ANAPC1: variants seen among roughly 807,000 people sequenced by gnomAD.
ANAPC1 encodes anaphase-promoting complex subunit 1.
Under a neutral mutation model 208.0 loss-of-function variants are expected in ANAPC1, and 36 were observed. The ratio of observed to expected loss-of-function variants is 0.17; its 90% confidence interval spans 0.13 to 0.23. The LOEUF (loss-of-function observed/expected upper bound fraction) is 0.23, where lower values mean the gene tolerates loss of function less well. Among genes scored for constraint, ANAPC1 ranks in the 10% least tolerant of loss-of-function variants. ANAPC1 has a pLI of 1.00. For synonymous variants in ANAPC1, 378 were observed against 695.2 expected (o/e 0.54, Z 7.18); for missense variants, 942 against 2,011.6 (o/e 0.47, Z 10.17).
intron 43 of ANAPC1, 36 bp downstream of exon 43, chr2:111,782,333 T>C (rs1677329202): frequency 6.2e-7 from 1 of 1,612,892 alleles, no homozygotes; most frequent in South Asian, 1.1e-5. Context: ...CAATTTAGAA[T>C]TATTTCTTTC....
At chr2:111,833,186 T>C in intron 20 of ANAPC1, 34 bp downstream of exon 20, 1 of 1,559,714 alleles carries the variant, frequency 6.4e-7, no homozygotes, top group Non-Finnish European at 8.7e-7. Context: ...ATCACTACAC[T>C]GTTTAGAAAA....
intron 33 of ANAPC1, among the ~76,000 whole-genome samples, chr2:111,801,357 A>G (rs1046602472): frequency 7.4e-6 from 1 of 135,456 alleles, no homozygotes; most frequent in African/African-American, 2.9e-5. Context: ...ACTCCATCTC[A>G]TAAAAAAAAA....
intron 27 of ANAPC1, among the ~76,000 whole-genome samples, chr2:111,816,218 C>T (rs1314037263): frequency 6.7e-6 from 1 of 149,550 alleles, no homozygotes; most frequent in African/African-American, 2.5e-5. Context: ...GAGCCAAGAT[C>T]ATGCCATTGC....
chr2:111,844,074 G>T (rs1030605464), intron 16 of ANAPC1, among the ~76,000 whole-genome samples: 10 of 151,826 alleles, frequency 6.6e-5, no homozygotes, highest in Non-Finnish European at 1.0e-4. Context: ...CACCCGCCTT[G>T]GCCTCCCAAA....
chr2:111,854,541 C>A (rs1162850153), intron 13 of ANAPC1, among the ~76,000 whole-genome samples: 1 of 152,216 alleles, frequency 6.6e-6, no homozygotes, highest in Non-Finnish European at 1.5e-5. Context: ...CTTCTTCCAA[C>A]AGAAAGCTGT....
chr2:111,831,360 A>G lies in ANAPC1; in HGVS notation c.2551T>C (p.Cys851Arg). The change falls in exon 21 of 48, where the codon TGT (cysteine) becomes CGT (arginine). Residue 851 changes from cysteine to arginine, a missense_variant. Physicochemically the swap from Cys to Arg is radical, Grantham distance 180. Coordinates refer to ENST00000341068, the MANE Select transcript of ANAPC1 (RefSeq NM_022662.4). ...PPSIYQWVSSCLKGEGMPPYP... is the reference protein window; with the variant it reads ...PPSIYQWVSSRLKGEGMPPYP... ...GGTGGCATTCCTTCACCCTTCAGACAAGAACTCACCCACTGATAAATACTT... is the reference window on the plus strand; with the variant it reads ...GGTGGCATTCCTTCACCCTTCAGACGAGAACTCACCCACTGATAAATACTT... The G allele has an allele frequency of 6.2e-7, 1 of 1,611,996 alleles. No individual in the cohort carries two copies. The highest frequency in any genetic ancestry group is 8.5e-7 in the Non-Finnish European group (1 of 1,179,858).
chr2:111,880,972 T>C lies in ANAPC1; in HGVS notation c.-24-123A>G, dbSNP rs956934415. The C allele has an allele frequency of 1.6e-4, 141 of 892,850 alleles. 1 individual carries two copies. Among genetic ancestry groups the C allele is most frequent in the African/African-American group, 7.3e-4 (43 of 58,844 alleles). The allele number at this position is 892,850 out of a possible 1,614,324, so 55.3% of individuals were successfully genotyped here. On this transcript the variant is annotated intron_variant, in intron 1 of 47. Coordinates refer to ENST00000341068, the MANE Select transcript of ANAPC1 (RefSeq NM_022662.4). ...AGTAATTATATCAGACTGGTAAGTATATAAGTTGGTCATAACATAAAAGGG... is the reference window on the plus strand; with the variant it reads ...AGTAATTATATCAGACTGGTAAGTACATAAGTTGGTCATAACATAAAAGGG...
At chr2:111,781,453 A>G (rs1160646222) in intron 43 of ANAPC1, among the ~76,000 whole-genome samples, 4 of 152,202 alleles carry the variant, frequency 2.6e-5, no homozygotes, top group African/African-American at 9.7e-5. Flanking sequence ...ATACATTTCA[A>G]TCCTGGGAAC....
intron 7 of ANAPC1, among the ~76,000 whole-genome samples, chr2:111,865,639 C>T (rs1682362470): frequency 1.3e-5 from 2 of 152,074 alleles, no homozygotes; most frequent in Admixed American, 6.5e-5. Flanking sequence ...TTTTTTCATA[C>T]ATATATACAC....
chr2:111,873,572 G>T, intron 4 of ANAPC1, 41 bp downstream of exon 4: 1 of 1,518,016 alleles, frequency 6.6e-7, no homozygotes, highest in Non-Finnish European at 8.8e-7. Flanking sequence ...TAAATATTTG[G>T]AATCATCATA....
intron 20 of ANAPC1, among the ~76,000 whole-genome samples, chr2:111,832,246 T>A (rs1362200203): frequency 1.4e-5 from 2 of 142,192 alleles, no homozygotes; most frequent in African/African-American, 5.3e-5. Flanking sequence ...GAGGATGCAG[T>A]GAGCCAAGAT....
chr2:111,769,549 A>G lies in ANAPC1; in HGVS notation c.5720-143T>C, dbSNP rs1467578430. On this transcript the variant is annotated intron_variant, in intron 47 of 47. Transcript: ENST00000341068. ...ATGACTATGCAAAGACAATATTTAA[A>G]ATTATGAAATTCCTTAATACACTGT... 6.4e-5 allele frequency: 39 copies of G among 610,968 alleles called. No individual in the cohort carries two copies. The African/African-American group carries it at 6.9e-4, about 11-fold the overall frequency. The allele number at this position is 610,968 out of a possible 1,614,324, so 37.8% of individuals were successfully genotyped here. A position where few individuals can be genotyped will look rare whatever the true frequency, so the allele number is the denominator to read the frequency against.
At chr2:111,826,387 C>A (rs1218390365) in intron 21 of ANAPC1, among the ~76,000 whole-genome samples, 4 of 152,168 alleles carry the variant, frequency 2.6e-5, no homozygotes, top group Non-Finnish European at 5.9e-5. Flanking sequence ...GCACTGGAAA[C>A]AATTCATCTG....
At position 111,768,500 on chromosome 2, in the gene ANAPC1, T is replaced by C. The variant is rs1447878431; in HGVS notation, c.*791A>G. ...ACGATGAAGGTGCTAGCCAAGTCTG[T>C]TCCTGATAAGGGCTCTTCTTGGCTT... is the stretch of plus-strand genomic sequence containing the variant. On this transcript the variant is annotated 3_prime_UTR_variant, in exon 48 of 48. Coordinates refer to ENST00000341068, the MANE Select transcript of ANAPC1 (RefSeq NM_022662.4). 4 of 150,986 alleles carry C rather than the reference T, an allele frequency of 2.6e-5. No homozygotes were observed. The highest frequency in any genetic ancestry group is 1.3e-4 in the Admixed American group (2 of 15,210). 9.4% of individuals were successfully genotyped at this position (150,986 alleles called of 1,614,324 possible). A position where few individuals can be genotyped will look rare whatever the true frequency, so the allele number is the denominator to read the frequency against.
At chr2:111,845,833 G>A (rs1160039076) in intron 16 of ANAPC1, among the ~76,000 whole-genome samples, 1 of 151,962 alleles carries the variant, frequency 6.6e-6, no homozygotes, top group African/African-American at 2.4e-5. Flanking sequence ...AAATTAGCCG[G>A]GCGTGGTGGC....
At chr2:111,865,653 T>C (rs894613756) in intron 7 of ANAPC1, 1 of 152,716 alleles carries the variant, frequency 6.5e-6, no homozygotes, top group Non-Finnish European at 1.5e-5. Context: ...TATACACACT[T>C]TATACATTTT....
In ANAPC1 at chr2:111,873,426, A is replaced by G. The variant is rs1402218012; in HGVS notation, c.428-18T>C. 4 of 1,600,118 alleles carry G rather than the reference A, an allele frequency of 2.5e-6. No individual in the cohort carries two copies. The African/African-American group carries it at 4.0e-5, about 16-fold the overall frequency. On this transcript the variant is annotated intron_variant, in intron 4 of 47. Transcript: ENST00000341068. ...ATTGCTACCTGAAAAGAAAGGGTACAACAAGACTTATGTGTTTTTTCCCTC... is the reference window on the plus strand; with the variant it reads ...ATTGCTACCTGAAAAGAAAGGGTACGACAAGACTTATGTGTTTTTTCCCTC...
intron 46 of ANAPC1, among the ~76,000 whole-genome samples, chr2:111,773,717 G>A (rs915256134): frequency 1.3e-5 from 2 of 151,966 alleles, no homozygotes; most frequent in Non-Finnish European, 2.9e-5. Context: ...GTTCTAGGGA[G>A]GGAAAACAGC....
At chr2:111,839,304 T>C (rs2104483470) in intron 17 of ANAPC1, among the ~76,000 whole-genome samples, 1 of 152,384 alleles carries the variant, frequency 6.6e-6, no homozygotes, top group Middle Eastern at 3.4e-3. Flanking sequence ...TGAGCCATTG[T>C]ATCTTTTGAG....
Sources: allele counts gnomAD v4.1 joint callset (sites outside exome capture counted in the v4.1 genomes callset), GRCh38; gene constraint gnomAD v4.1.1; transcripts MANE v1.5; gene names NCBI Gene and HGNC (gene_info 2026-07-23, HGNC 2026-07-21).